Variants in CHGB observed in about 807,000 individuals in gnomAD.
The protein encoded by CHGB is chromogranin B, also known as secretogranin-1.
Under a neutral mutation model 69.9 loss-of-function variants are expected in CHGB, and 46 were observed. That is an observed-to-expected ratio of 0.66 (90% CI 0.52 to 0.84). CHGB has a LOEUF of 0.84. Among genes scored for constraint, CHGB ranks in the 40% least tolerant of loss-of-function variants. The pLI is 0.00. For missense variants in CHGB, 796 were observed against 822.2 expected (o/e 0.97, Z 0.39); for synonymous variants, 312 against 298.2 (o/e 1.05, Z -0.48).
At chr20:5,915,442 G>A (rs1408442237) in intron 1 of CHGB, 1 of 152,190 alleles carries the variant, frequency 6.6e-6, no homozygotes, top group Admixed American at 6.5e-5. Context: ...TTAGATATCT[G>A]CCATGTTCTT....
At position 5,923,165 on chromosome 20, in the gene CHGB, T is replaced by C. The variant is rs139656275; in HGVS notation, c.1021T>C (p.Tyr341His). 7.4e-6 allele frequency: 12 copies of C among 1,613,632 alleles called. No homozygotes were observed. The highest frequency in any genetic ancestry group is 1.0e-5 in the Non-Finnish European group (12 of 1,179,808). ...HYRASEEEPEYGEEIKGYPGV... is the reference protein window; with the variant it reads ...HYRASEEEPEHGEEIKGYPGV... ...CAGGGCTTCAGAGGAAGAACCTGAA[T>C]ATGGAGAAGAAATAAAGGGTTATCC... The change falls in exon 4 of 5, where the codon TAT (tyrosine) becomes CAT (histidine). Residue 341 changes from tyrosine (Y) to histidine (H), a missense_variant. Tyr to His is a moderately conservative substitution (Grantham distance 83, BLOSUM62 2). Transcript: ENST00000378961.
intron 3 of CHGB, 84 bp downstream of exon 3, chr20:5,917,003 T>C (rs2088479620): frequency 8.0e-7 from 1 of 1,252,270 alleles, no homozygotes; most frequent in Non-Finnish European, 1.2e-6. Context: ...CTACTTTATC[T>C]ACAAATGACC....
chr20:5,911,569 C>T lies in CHGB; in HGVS notation c.-65C>T, dbSNP rs1314391367. The T allele has an allele frequency of 1.3e-6, 2 of 1,493,832 alleles. No homozygotes were observed. The highest frequency in any genetic ancestry group is 2.9e-5 in the African/African-American group (2 of 69,042). The allele number at this position is 1,493,832 out of a possible 1,614,324, so 92.5% of individuals were successfully genotyped here. On this transcript the variant is annotated 5_prime_UTR_variant, in exon 1 of 5. Transcript: ENST00000378961. ...GGGGCCGCTCCATCGCGCCTTCCTCCTGCGCCTCGCTTCTCCGGTCCAGCC... is the reference window on the plus strand; with the variant it reads ...GGGGCCGCTCCATCGCGCCTTCCTCTTGCGCCTCGCTTCTCCGGTCCAGCC...
At chr20:5,913,053 G>A (rs1207667127) in intron 1 of CHGB, among the ~76,000 whole-genome samples, 1 of 152,106 alleles carries the variant, frequency 6.6e-6, no homozygotes, top group Non-Finnish European at 1.5e-5. Context: ...CTTTGCTTAG[G>A]AGGCTGTAGA....
chr20:5,921,376 T>TA (rs2088512991), intron 3 of CHGB, among the ~76,000 whole-genome samples: 1 of 152,200 alleles, frequency 6.6e-6, no homozygotes, highest in Non-Finnish European at 1.5e-5. Context: ...GGCCTTGGCT[T>TA]CAGGCATTTT....
At chr20:5,920,128 C>T (rs146121988) in intron 3 of CHGB, among the ~76,000 whole-genome samples, 58 of 152,312 alleles carry the variant, frequency 3.8e-4, no homozygotes, top group Middle Eastern at 3.4e-3. Context: ...GGCCCACCTG[C>T]GGGGCTTAAA....
chr20:5,918,389 T>TCAAAAA (rs745698028), intron 3 of CHGB, among the ~76,000 whole-genome samples: 7 of 151,500 alleles, frequency 4.6e-5, no homozygotes, highest in South Asian at 4.2e-4. Flanking sequence ...TGAGGCTCCA[T>TCAAAAA]CAAAAACAAA....
At chr20:5,913,940 G>T (rs2300427) in intron 1 of CHGB, among the ~76,000 whole-genome samples, 49,059 of 151,812 alleles carry the variant, frequency 0.32, 8,518 homozygotes, top group Middle Eastern at 0.45. Flanking sequence ...CCGGGAAAAT[G>T]GTTTCTAAAT....
Position 5,923,129 on chromosome 20 carries a change from T to A in CHGB, c.985T>A (p.Ser329Thr). ...ASLGEKRDHH[S>T]THYRASEEEP... ...TTTAGGGGAAAAGAGGGACCACCAT[T>A]CAACCCACTACAGGGCTTCAGAGGA... is the stretch of plus-strand genomic sequence containing the variant. The change falls in exon 4 of 5, where the codon TCA (serine) becomes ACA (threonine). Residue 329 changes from serine to threonine, a missense_variant. Ser to Thr is a moderately conservative substitution (Grantham distance 58). Coordinates refer to ENST00000378961, the MANE Select transcript of CHGB (RefSeq NM_001819.3). 6.2e-7 allele frequency: 1 copy of A among 1,613,934 alleles called. No homozygotes were observed. Among genetic ancestry groups the A allele is most frequent in the Non-Finnish European group, 8.5e-7 (1 of 1,179,968 alleles).
chr20:5,924,044 C>A lies in CHGB; in HGVS notation c.1900C>A (p.Gln634Lys). 1 of 1,613,600 alleles carries A rather than the reference C, an allele frequency of 6.2e-7. No homozygotes were observed. Among genetic ancestry groups the A allele is most frequent in the Non-Finnish European group, 8.5e-7 (1 of 1,179,786 alleles). ...TTCTGAGGAGCCGGTGAGCACCCAC[C>A]AGGAGGCAGAAAATGAAAAGGACAG... ...YDSEEPVSTHQEAENEKDRAD... is the reference protein window; with the variant it reads ...YDSEEPVSTHKEAENEKDRAD... The change falls in exon 4 of 5, where the codon CAG (glutamine) becomes AAG (lysine). Residue 634 changes from glutamine to lysine, a missense_variant. By Grantham distance (53) the Gln-to-Lys change is moderately conservative. Coordinates refer to ENST00000378961, the MANE Select transcript of CHGB (RefSeq NM_001819.3).
intron 3 of CHGB, 105 bp downstream of exon 3, chr20:5,917,024 A>G (rs2088479782): frequency 2.0e-6 from 2 of 1,007,362 alleles, no homozygotes; most frequent in South Asian, 2.7e-5. Context: ...TGGGGGCATA[A>G]TGCACTAGGA....
chr20:5,919,024 A>G (rs2088497625), intron 3 of CHGB, among the ~76,000 whole-genome samples: 1 of 152,046 alleles, frequency 6.6e-6, no homozygotes, highest in Admixed American at 6.6e-5. Context: ...GGAAGTGAGT[A>G]AGAGCAGAGT....
intron 4 of CHGB, among the ~76,000 whole-genome samples, chr20:5,924,727 A>G (rs2088539841): frequency 6.6e-6 from 1 of 152,196 alleles, no homozygotes; most frequent in Admixed American, 6.5e-5. Context: ...TAGGATCATG[A>G]GGGATTCCTA....
In CHGB at chr20:5,911,589, C is replaced by T. The variant is rs900808710; in HGVS notation, c.-45C>T. On this transcript the variant is annotated 5_prime_UTR_variant, in exon 1 of 5. Coordinates refer to ENST00000378961, the MANE Select transcript of CHGB (RefSeq NM_001819.3). ...TCCTCCTGCGCCTCGCTTCTCCGGT[C>T]CAGCCGCCATCTTCCTTTCCGCACA... 1 of 1,516,746 alleles carries T rather than the reference C, an allele frequency of 6.6e-7. No individual in the cohort carries two copies. Among genetic ancestry groups the T allele is most frequent in the Non-Finnish European group, 8.8e-7 (1 of 1,137,326 alleles). 94.0% of individuals were successfully genotyped at this position (1,516,746 alleles called of 1,614,324 possible).
chr20:5,923,076 C>T lies in CHGB; in HGVS notation c.932C>T (p.Ser311Phe), dbSNP rs868621067. The T allele has an allele frequency of 6.2e-7, 1 of 1,614,070 alleles. No individual in the cohort carries two copies. The highest frequency in any genetic ancestry group is 2.2e-5 in the East Asian group (1 of 44,870). Residue 311 changes from serine (S) to phenylalanine (F), a missense_variant, in exon 4 of 5, where the codon TCT becomes TTT. By Grantham distance (155) the Ser-to-Phe change is radical. Around this residue, in one of 3 missense-constraint regions of CHGB, gnomAD observed 518 missense variants for 506.3 expected, o/e 1.02. Transcript: ENST00000378961. ...GAAAAGGGACACCCCCAGGAGGAAT[C>T]TGAGGAGTCAAACGTCAGCATGGCC... is the stretch of plus-strand genomic sequence containing the variant. ...SEEKGHPQEE[S>F]EESNVSMASL...
chr20:5,918,144 C>G (rs1179509077), intron 3 of CHGB, among the ~76,000 whole-genome samples: 5 of 63,318 alleles, frequency 7.9e-5, no homozygotes, highest in African/African-American at 2.4e-4. Flanking sequence ...AGTAAGACTC[C>G]ATCTAAAAAA....
In CHGB at chr20:5,922,571, C is replaced by T. The variant is rs1313478981; in HGVS notation, c.427C>T (p.Pro143Ser). Residue 143 changes from proline (P) to serine (S), a missense_variant, in exon 4 of 5, where the codon CCC becomes TCC. This residue lies in a region of CHGB where 518 missense variants were observed against 506.3 expected (regional missense o/e 1.02). Transcript: ENST00000378961. ...RADEPQWSLY[P>S]SDSQVSEEVK... ...GGATGAGCCCCAGTGGAGCCTCTAT[C>T]CCTCCGACAGCCAAGTCTCTGAAGA... The T allele has an allele frequency of 2.5e-6, 4 of 1,613,810 alleles. No homozygotes were observed. Among genetic ancestry groups the T allele is most frequent in the South Asian group, 2.2e-5 (2 of 91,054 alleles).
intron 3 of CHGB, among the ~76,000 whole-genome samples, chr20:5,920,124 C>G (rs2088505232): frequency 6.6e-6 from 1 of 152,180 alleles, no homozygotes; most frequent in African/African-American, 2.4e-5. Flanking sequence ...TCCAGGCCCA[C>G]CTGCGGGGCT....
chr20:5,912,588 A>G (rs1376902987), intron 1 of CHGB, among the ~76,000 whole-genome samples: 1 of 152,114 alleles, frequency 6.6e-6, no homozygotes, highest in Admixed American at 6.6e-5. Flanking sequence ...TAATCTTTCA[A>G]ACTACCCTGA....
Sources: gnomAD v4.1 joint callset for allele counts (sites outside exome capture counted in the v4.1 genomes callset) on GRCh38, gnomAD v4.1.1 for gene constraint, gnomAD v4.1.1 regional missense constraint, MANE v1.5 for transcripts, NCBI Gene and HGNC (gene_info 2026-07-23, HGNC 2026-07-21) for gene names.